NRXN3: variants seen among roughly 807,000 people sequenced by gnomAD.
NRXN3 encodes neurexin III.
A neutral mutation model predicts 137.6 loss-of-function variants in NRXN3; 32 were observed. The observed-to-expected ratio is 0.23, with a 90% CI of 0.18 to 0.31. NRXN3 has a LOEUF of 0.31. Among genes scored for constraint, NRXN3 ranks in the 10% least tolerant of loss-of-function variants. NRXN3 has a pLI of 1.00. For synonymous variants in NRXN3, 798 were observed against 784.5 expected, an observed-to-expected ratio of 1.02 and a Z score of -0.29; for missense variants, 1,574 against 2,062.5, an observed-to-expected ratio of 0.76 and a Z score of 4.59.
chr14:78,219,158 A>AG (rs5809868), intron 1 of NRXN3, among the ~76,000 whole-genome samples: 73,206 of 151,876 alleles, frequency 0.48, 18,339 homozygotes, highest in African/African-American at 0.58. Flanking sequence ...TTTTGGTGGG[A>AG]GGGGGGATGC....
intron 10 of NRXN3, among the ~76,000 whole-genome samples, chr14:78,903,261 G>A (rs534186054): frequency 5.4e-5 from 8 of 147,918 alleles, no homozygotes; most frequent in East Asian, 2.1e-4. Context: ...AGATCCTCCC[G>A]CCTCAGTCTC....
intron 4 of NRXN3, among the ~76,000 whole-genome samples, chr14:78,416,154 C>T (rs1180499620): frequency 2.0e-5 from 3 of 152,100 alleles, no homozygotes; most frequent in African/African-American, 7.2e-5. Flanking sequence ...GATTGGCAGC[C>T]ATATTTGAAG....
intron 4 of NRXN3, among the ~76,000 whole-genome samples, chr14:78,315,464 G>A (rs944578285): frequency 6.6e-5 from 10 of 152,192 alleles, no homozygotes; most frequent in African/African-American, 2.4e-4. Flanking sequence ...TTTGAGACAC[G>A]CTGTGTTACA....
intron 16 of NRXN3, among the ~76,000 whole-genome samples, chr14:79,654,569 A>T (rs2098495902): frequency 1.3e-5 from 2 of 152,164 alleles, no homozygotes; most frequent in African/African-American, 4.8e-5. Context: ...GGGAACAATT[A>T]TATTTGGCAC....
At chr14:78,484,027 C>CACACACACACACACAG (rs1229106899) in intron 4 of NRXN3, among the ~76,000 whole-genome samples, 1 of 137,088 alleles carries the variant, frequency 7.3e-6, no homozygotes, top group African/African-American at 2.9e-5. Flanking sequence ...CACACACACA[C>CACACACACACACACAG]AGAGAGAGAG....
intron 4 of NRXN3, among the ~76,000 whole-genome samples, chr14:78,477,317 A>G (rs992541694): frequency 2.6e-5 from 4 of 152,126 alleles, no homozygotes; most frequent in African/African-American, 9.7e-5. Flanking sequence ...CTTTCTCTTT[A>G]CACTGGTTAC....
intron 10 of NRXN3, among the ~76,000 whole-genome samples, chr14:78,935,684 A>T (rs1259051312): frequency 6.6e-6 from 1 of 152,178 alleles, no homozygotes; most frequent in Non-Finnish European, 1.5e-5. Context: ...CCCCTCAGAT[A>T]TGAAGGATCA....
chr14:78,833,137 T>C (rs1397246011), intron 10 of NRXN3, among the ~76,000 whole-genome samples: 1 of 152,216 alleles, frequency 6.6e-6, no homozygotes, highest in Non-Finnish European at 1.5e-5. Context: ...TCCCAAGTTC[T>C]ATTTCTATTG....
Position 78,781,604 on chromosome 14 carries a change from G to A in NRXN3, c.2045-22016G>A, listed in dbSNP as rs185907283. Among the ~76,000 whole-genome samples, 345 of 152,206 alleles carry A rather than the reference G, an allele frequency of 2.3e-3. 2 individuals carry two copies. The highest frequency in any genetic ancestry group is 5.2e-3 in the Admixed American group (79 of 15,296). On this transcript the variant is annotated intron_variant, in intron 8 of 20. Coordinates refer to ENST00000335750, the MANE Select transcript of NRXN3 (RefSeq NM_001330195.2). Reference sequence around the variant, plus strand: ...TGACTCAACCAAATTATATATGACCGCATAGCATGACATTCAGCCTCATTG... The same window carrying A: ...TGACTCAACCAAATTATATATGACCACATAGCATGACATTCAGCCTCATTG...
intron 15 of NRXN3, among the ~76,000 whole-genome samples, chr14:79,001,283 T>G (rs1254634459): frequency 6.6e-6 from 1 of 152,176 alleles, no homozygotes; most frequent in Non-Finnish European, 1.5e-5. Flanking sequence ...CTGTATGTAC[T>G]AGTTCCAGAT....
intron 15 of NRXN3, among the ~76,000 whole-genome samples, chr14:79,160,592 T>C (rs2060670929): frequency 6.6e-6 from 1 of 151,998 alleles, no homozygotes; most frequent in East Asian, 1.9e-4. Flanking sequence ...TCGTGTTGAG[T>C]AGGTGCTGTA....
At chr14:78,964,933 T>C (rs2152991266) in intron 11 of NRXN3, among the ~76,000 whole-genome samples, 2 of 152,278 alleles carry the variant, frequency 1.3e-5, no homozygotes, top group African/African-American at 4.8e-5. Flanking sequence ...ACTCAAACGC[T>C]TTAAGCATGA....
At chr14:79,492,618 A>G (rs555838685) in intron 16 of NRXN3, among the ~76,000 whole-genome samples, 1 of 152,234 alleles carries the variant, frequency 6.6e-6, no homozygotes, top group South Asian at 2.1e-4. Context: ...CCAGACCTCA[A>G]TGATCCACCT....
intron 4 of NRXN3, among the ~76,000 whole-genome samples, chr14:78,324,417 A>G (rs1171505635): frequency 6.6e-6 from 1 of 152,102 alleles, no homozygotes; most frequent in Non-Finnish European, 1.5e-5. Flanking sequence ...AGCTGTCAGA[A>G]AGTGGGAAGA....
intron 19 of NRXN3, among the ~76,000 whole-genome samples, chr14:79,725,579 G>T (rs527802251): frequency 6.6e-6 from 1 of 152,000 alleles, no homozygotes; most frequent in South Asian, 2.1e-4. Context: ...GTTATGTTCC[G>T]CTCTAACCTT....
chr14:79,831,616 C>G (rs1234475875), intron 20 of NRXN3, among the ~76,000 whole-genome samples: 1 of 152,054 alleles, frequency 6.6e-6, no homozygotes, highest in Non-Finnish European at 1.5e-5. Context: ...TATTTTGGTT[C>G]GGCCCAGCTC....
intron 15 of NRXN3, among the ~76,000 whole-genome samples, chr14:79,373,305 A>G (rs995990649): frequency 1.3e-5 from 2 of 152,142 alleles, no homozygotes; most frequent in East Asian, 1.9e-4. Context: ...ATCAATTCCA[A>G]TTATGTTCTG....
chr14:79,029,343 T>C (rs2099603615), intron 15 of NRXN3, among the ~76,000 whole-genome samples: 1 of 152,160 alleles, frequency 6.6e-6, no homozygotes, highest in African/African-American at 2.4e-5. Flanking sequence ...ATAAAGCATA[T>C]TGTCAAACTT....
chr14:78,270,693 A>G (rs997435946), intron 2 of NRXN3, among the ~76,000 whole-genome samples: 1 of 152,214 alleles, frequency 6.6e-6, no homozygotes, highest in Non-Finnish European at 1.5e-5. Context: ...CTGAATGTTT[A>G]CTATGTGCCT....
Sources: gnomAD v4.1 joint callset for allele counts (sites outside exome capture counted in the v4.1 genomes callset) on GRCh38, gnomAD v4.1.1 for gene constraint, MANE v1.5 for transcripts, NCBI Gene and HGNC (gene_info 2026-07-23, HGNC 2026-07-21) for gene names.